The following SCN10A variants were observed in gnomAD, a reference collection of about 807,000 sequenced individuals.
The protein encoded by SCN10A is sodium voltage-gated channel alpha subunit 10.
SCN10A carries 162 observed loss-of-function variants against 170.7 expected under a neutral mutation model. The observed-to-expected ratio is 0.95, with a 90% CI of 0.84 to 1.08. The LOEUF is 1.08. Among genes scored for constraint, SCN10A ranks in the 50% least tolerant of loss-of-function variants. The pLI is 0.00. For missense variants in SCN10A, 2,527 were observed against 2,436.9 expected (o/e 1.04, Z -0.78); for synonymous variants, 985 against 904.6 (o/e 1.09, Z -1.59).
At chr3:38,775,609 A>G (rs1251659763) in intron 4 of SCN10A, among the ~76,000 whole-genome samples, 1 of 152,210 alleles carries the variant, frequency 6.6e-6, no homozygotes, top group African/African-American at 2.4e-5. Context: ...TTTTAAAATT[A>G]GCTTCATGAT....
chr3:38,758,805 G>C (rs2063837544), intron 8 of SCN10A, among the ~76,000 whole-genome samples: 2 of 152,034 alleles, frequency 1.3e-5, no homozygotes, highest in Non-Finnish European at 2.9e-5. Flanking sequence ...TAGCAGGCCT[G>C]GCCTCTCAGG....
chr3:38,702,366 C>T (rs1470135009), intron 26 of SCN10A, among the ~76,000 whole-genome samples: 1 of 152,254 alleles, frequency 6.6e-6, no homozygotes, highest in African/African-American at 2.4e-5. Context: ...CCTCTATTCA[C>T]AATGCCCTCC....
At position 38,737,777 on chromosome 3, in the gene SCN10A, TCTCC is replaced by T. The variant is rs1301172758; in HGVS notation, c.2280+1734_2280+1737del. On this transcript the variant is annotated intron_variant, in intron 15 of 27. Coordinates refer to ENST00000449082, the MANE Select transcript of SCN10A (RefSeq NM_006514.4). ...CTCTCCCTCCCTCCCTCCCTCTCTCTCTCCCTCCCTCCCTCCCTTCCTCTTTCTT... is the reference window on the plus strand; with the variant it reads ...CTCTCCCTCCCTCCCTCCCTCTCTCTCTCCCTCCCTCCCTTCCTCTTTCTT... Among the ~76,000 whole-genome samples, 101 of 75,738 alleles carry T rather than the reference TCTCC, an allele frequency of 1.3e-3. 1 individual carries two copies. Among genetic ancestry groups the T allele is most frequent in the African/African-American group, 4.7e-3 (86 of 18,146 alleles). 49.7% of individuals were successfully genotyped at this position (75,738 alleles called of 152,430 possible). A position where few individuals can be genotyped will look rare whatever the true frequency, so the allele number is the denominator to read the frequency against.
At position 38,776,493 on chromosome 3, in the gene SCN10A, A is replaced by G. The variant is rs1312578803; in HGVS notation, c.471-5086T>C. On this transcript the variant is annotated intron_variant, in intron 4 of 27. Transcript: ENST00000449082. ...CAGGTGACAATAAAATACATTAGTCAAGATAAACTGCCTATGATTAACTCC... is the reference window on the plus strand; with the variant it reads ...CAGGTGACAATAAAATACATTAGTCGAGATAAACTGCCTATGATTAACTCC... Among the ~76,000 whole-genome samples the G allele has an allele frequency of 2.6e-5, 4 of 152,276 alleles. No individual in the cohort carries two copies. In the East Asian group the frequency reaches 7.7e-4, roughly 29 times the overall value.
Position 38,775,499 on chromosome 3 carries a change from T to C in SCN10A, c.471-4092A>G, listed in dbSNP as rs571508668. ...TGTTGATGGACATATTTGGCTATTG[T>C]GAATAACGCTGCTACAAACATTAGT... On this transcript the variant is annotated intron_variant, in intron 4 of 27. Coordinates refer to ENST00000449082, the MANE Select transcript of SCN10A (RefSeq NM_006514.4). Among the ~76,000 whole-genome samples, 5 of 152,332 alleles carry C rather than the reference T, an allele frequency of 3.3e-5. No individual in the cohort carries two copies. In the South Asian group the frequency reaches 1.0e-3, roughly 32 times the overall value.
In SCN10A at chr3:38,697,581, G is replaced by A. The variant is rs1237962958; in HGVS notation, c.5639C>T (p.Pro1880Leu). The change falls in exon 28 of 28, where the codon CCC (proline) becomes CTC (leucine). Residue 1880 changes from proline to leucine, a missense_variant. Pro to Leu is a moderately conservative substitution (Grantham distance 98). Coordinates refer to ENST00000449082, the MANE Select transcript of SCN10A (RefSeq NM_006514.4). Reference sequence around the variant, plus strand: ...TGATGCAGCCTCCTCCTCAGCTCTGGGCACACATGGGGTGTTAGAGAGTGC... The same window carrying A: ...TGATGCAGCCTCCTCCTCAGCTCTGAGCACACATGGGGTGTTAGAGAGTGC... ...SMALSNTPCVPRAEEEAASLP... is the reference protein window; with the variant it reads ...SMALSNTPCVLRAEEEAASLP... The A allele has an allele frequency of 3.1e-6, 5 of 1,614,016 alleles. No individual in the cohort carries two copies. Among genetic ancestry groups the A allele is most frequent in the Admixed American group, 3.3e-5 (2 of 60,000 alleles).
At chr3:38,801,049 G>A (rs948622942) in intron 1 of SCN10A, among the ~76,000 whole-genome samples, 4 of 152,258 alleles carry the variant, frequency 2.6e-5, no homozygotes, top group South Asian at 4.2e-4. Context: ...GCTTGGTAGA[G>A]GCTGGTGTGA....
At chr3:38,814,865 G>A (rs769662238) in intron 1 of SCN10A, among the ~76,000 whole-genome samples, 1 of 152,150 alleles carries the variant, frequency 6.6e-6, no homozygotes, top group Admixed American at 6.5e-5. Flanking sequence ...ATTTATCTGT[G>A]TCAAACTTCC....
Position 38,728,828 on chromosome 3 carries a change from C to A in SCN10A, c.2354G>T (p.Gly785Val). ...TLIKIIGNSV[G>V]ALGNLTIILA... ...GATGATGGTGAGGTTCCCCAGTGCC[C>A]CCACTGAGTTTCCGATGATCTTGAT... The change falls in exon 16 of 28, where the codon GGG (glycine) becomes GTG (valine). Residue 785 changes from glycine to valine, a missense_variant. Physicochemically the swap from Gly to Val is moderately radical, Grantham distance 109 (BLOSUM62 -3). Coordinates refer to ENST00000449082, the MANE Select transcript of SCN10A (RefSeq NM_006514.4). The A allele has an allele frequency of 1.2e-6, 2 of 1,614,162 alleles. No individual in the cohort carries two copies. Among genetic ancestry groups the A allele is most frequent in the Non-Finnish European group, 1.7e-6 (2 of 1,180,042 alleles).
At chr3:38,709,432 G>A in intron 25 of SCN10A, 46 bp downstream of exon 25, 1 of 1,564,820 alleles carries the variant, frequency 6.4e-7, no homozygotes, top group African/African-American at 1.4e-5. Context: ...GGAAATATAA[G>A]GCTTACCACT....
At chr3:38,742,270 A>G in intron 14 of SCN10A, 21 bp downstream of exon 14, 1 of 1,498,798 alleles carries the variant, frequency 6.7e-7, no homozygotes, top group South Asian at 1.1e-5. Context: ...CAGTGAGGGC[A>G]GTACCAGCCA....
intron 4 of SCN10A, among the ~76,000 whole-genome samples, chr3:38,772,975 G>T (rs2064027451): frequency 1.3e-5 from 2 of 152,134 alleles, no homozygotes; most frequent in Admixed American, 6.5e-5. Flanking sequence ...TAAAAAGTTT[G>T]AAAATTAGAG....
At chr3:38,800,354 C>G (rs555826591) in intron 1 of SCN10A, among the ~76,000 whole-genome samples, 2 of 152,186 alleles carry the variant, frequency 1.3e-5, no homozygotes, top group Non-Finnish European at 2.9e-5. Flanking sequence ...GATTCTCAGT[C>G]AGTAGGTCTG....
chr3:38,727,126 G>C (rs2063466814), intron 16 of SCN10A, 74 bp from the exon 17 acceptor site: 3 of 1,434,604 alleles, frequency 2.1e-6, no homozygotes, highest in Non-Finnish European at 2.9e-6. Context: ...CGGGTTAGCA[G>C]CTGGCTGGCA....
intron 21 of SCN10A, among the ~76,000 whole-genome samples, chr3:38,715,890 T>A (rs1292104521): frequency 6.6e-6 from 1 of 152,112 alleles, no homozygotes; most frequent in African/African-American, 2.4e-5. Context: ...CATAAGACAA[T>A]CCTGTATTCA....
intron 4 of SCN10A, among the ~76,000 whole-genome samples, chr3:38,781,687 T>C (rs542832809): frequency 6.6e-6 from 1 of 152,282 alleles, no homozygotes; most frequent in South Asian, 2.1e-4. Flanking sequence ...AACAAACTCA[T>C]TTCTCATTGG....
intron 21 of SCN10A, 73 bp from the exon 22 acceptor site, chr3:38,714,153 C>T: frequency 1.3e-6 from 2 of 1,577,318 alleles, no homozygotes; most frequent in South Asian, 2.3e-5. Context: ...GAGACAGGAA[C>T]TCCCTGCCCA....
At chr3:38,732,112 CACA>C (rs2063518754) in intron 15 of SCN10A, among the ~76,000 whole-genome samples, 1 of 152,198 alleles carries the variant, frequency 6.6e-6, no homozygotes, top group African/African-American at 2.4e-5. Context: ...ATTGAGTGGA[CACA>C]ACAACAATGT....
In SCN10A at chr3:38,702,004, C is replaced by G; in HGVS notation, c.4492G>C (p.Asp1498His). The change falls in exon 27 of 28, where the codon GAT becomes CAT. Residue 1498 changes from aspartate to histidine, a missense_variant. Asp to His is a moderately conservative substitution (Grantham distance 81). Transcript: ENST00000449082. ...LNMITMMVET[D>H]DQSEEKTKIL... ...TTCGTCTTTTCTTCACTTTGGTCATCAGTCTCCACCATCATGGTGATCATG... is the reference window on the plus strand; with the variant it reads ...TTCGTCTTTTCTTCACTTTGGTCATGAGTCTCCACCATCATGGTGATCATG... 6.2e-7 allele frequency: 1 copy of G among 1,614,066 alleles called. No homozygotes were observed. The highest frequency in any genetic ancestry group is 1.1e-5 in the South Asian group (1 of 91,050).
Sources: gnomAD v4.1 joint callset for allele counts (sites outside exome capture counted in the v4.1 genomes callset) on GRCh38, gnomAD v4.1.1 for gene constraint, MANE v1.5 for transcripts, NCBI Gene and HGNC (gene_info 2026-07-23, HGNC 2026-07-21) for gene names.